LRRC4C: variants seen among roughly 807,000 people sequenced by gnomAD.
The protein encoded by LRRC4C is leucine-rich repeat-containing protein 4C.
Under a neutral mutation model 33.6 loss-of-function variants are expected in LRRC4C, and 5 were observed. That is an observed-to-expected ratio of 0.15 (90% CI 0.08 to 0.31). The LOEUF is 0.31. Among genes scored for constraint, LRRC4C ranks in the 10% least tolerant of loss-of-function variants. The pLI is 1.00. For synonymous variants in LRRC4C, 329 were observed against 302.0 expected, an observed-to-expected ratio of 1.09 and a Z score of -0.93; for missense variants, 560 against 796.7, an observed-to-expected ratio of 0.70 and a Z score of 3.58.
chr11:40,362,803 G>C (rs549838755), intron 3 of LRRC4C, among the ~76,000 whole-genome samples: 1 of 152,252 alleles, frequency 6.6e-6, no homozygotes. Context: ...AAGCCAACAA[G>C]TACATGAAAA....
At chr11:40,381,518 A>G (rs774849528) in intron 3 of LRRC4C, among the ~76,000 whole-genome samples, 65 of 152,230 alleles carry the variant, frequency 4.3e-4, no homozygotes, top group Non-Finnish European at 7.6e-4. Flanking sequence ...AATTGGCTGG[A>G]CAATTTTATG....
chr11:41,074,166 T>C (rs1938930412), intron 1 of LRRC4C, among the ~76,000 whole-genome samples: 1 of 152,180 alleles, frequency 6.6e-6, no homozygotes, highest in African/African-American at 2.4e-5. Context: ...ACTTAAATTT[T>C]AAAGAGAAAC....
At position 40,986,760 on chromosome 11, in the gene LRRC4C, C is replaced by T. The variant is rs531883674; in HGVS notation, c.-495-53037G>A. ...GTGATGAGAATTAGAGTATTTTCCACTAACCTTGAGAGCAGGGCTACACTG... is the reference window on the plus strand; with the variant it reads ...GTGATGAGAATTAGAGTATTTTCCATTAACCTTGAGAGCAGGGCTACACTG... On this transcript the variant is annotated intron_variant, in intron 1 of 6. Coordinates refer to ENST00000528697, the MANE Select transcript of LRRC4C (RefSeq NM_001258419.2). Among the ~76,000 whole-genome samples, 18 of 152,284 alleles carry T rather than the reference C, an allele frequency of 1.2e-4. No homozygotes were observed. The South Asian group carries it at 3.5e-3, about 30-fold the overall frequency.
intron 3 of LRRC4C, among the ~76,000 whole-genome samples, chr11:40,633,890 A>T (rs922007641): frequency 2.0e-5 from 3 of 152,224 alleles, no homozygotes; most frequent in African/African-American, 7.2e-5. Context: ...AAGTTATAAA[A>T]ATGAAATACA....
At chr11:40,212,887 G>A (rs1863708126) in intron 5 of LRRC4C, among the ~76,000 whole-genome samples, 1 of 152,130 alleles carries the variant, frequency 6.6e-6, no homozygotes, top group African/African-American at 2.4e-5. Flanking sequence ...GTAACTTGGG[G>A]AGCAATCACC....
intron 1 of LRRC4C, among the ~76,000 whole-genome samples, chr11:41,045,707 G>A (rs1409723420): frequency 6.6e-6 from 1 of 152,114 alleles, no homozygotes; most frequent in Non-Finnish European, 1.5e-5. Flanking sequence ...GTAACACAGA[G>A]AAAGCCCAGC....
intron 3 of LRRC4C, among the ~76,000 whole-genome samples, chr11:40,326,610 G>C (rs780710829): frequency 6.6e-6 from 1 of 150,970 alleles, no homozygotes; most frequent in Admixed American, 6.6e-5. Flanking sequence ...GGCCAAAGAA[G>C]CTTAGATCAG....
At chr11:41,384,880 C>T (rs888953949) in intron 1 of LRRC4C, among the ~76,000 whole-genome samples, 1 of 148,390 alleles carries the variant, frequency 6.7e-6, no homozygotes, top group African/African-American at 2.5e-5. Context: ...CTGAACTATA[C>T]AAACTTTTTG....
At chr11:41,076,033 C>T (rs1356035576) in intron 1 of LRRC4C, among the ~76,000 whole-genome samples, 1 of 152,160 alleles carries the variant, frequency 6.6e-6, no homozygotes, top group Non-Finnish European at 1.5e-5. Flanking sequence ...AAAGTGCCTT[C>T]TGTATTAGCT....
chr11:41,038,058 G>A (rs748756623), intron 1 of LRRC4C, among the ~76,000 whole-genome samples: 3 of 152,132 alleles, frequency 2.0e-5, no homozygotes, highest in African/African-American at 7.2e-5. Flanking sequence ...CTGTGTCTAC[G>A]AGACAATCTA....
At chr11:40,704,136 A>G (rs1391117261) in intron 2 of LRRC4C, among the ~76,000 whole-genome samples, 4 of 152,178 alleles carry the variant, frequency 2.6e-5, no homozygotes, top group Non-Finnish European at 5.9e-5. Context: ...GAGCATTTAC[A>G]TTGTATTAGG....
At chr11:40,725,979 C>A (rs1947275395) in intron 2 of LRRC4C, among the ~76,000 whole-genome samples, 1 of 152,006 alleles carries the variant, frequency 6.6e-6, no homozygotes, top group Admixed American at 6.5e-5. Context: ...ACAACAAATC[C>A]CACAATAGAT....
At chr11:40,453,617 G>GAAAAAAAAAAAAAAA (rs149112559) in intron 3 of LRRC4C, among the ~76,000 whole-genome samples, 1 of 143,712 alleles carries the variant, frequency 7.0e-6, no homozygotes, top group Non-Finnish European at 1.5e-5. Context: ...GGCATTCTAA[G>GAAAAAAAAAAAAAAA]AAAAAAAAAA....
rs1400063107 is a variant in LRRC4C, at chr11:40,423,375, C to G, written c.-269-103654G>C. 4.9e-5 allele frequency among the ~76,000 whole-genome samples: 6 copies of G among 123,074 alleles called. No individual in the cohort carries two copies. In the East Asian group the frequency reaches 9.8e-4, roughly 20 times the overall value. 80.7% of individuals were successfully genotyped at this position (123,074 alleles called of 152,430 possible). ...TTTTTTTTTTTTTGAGACGGAGTCTCGCTCTGTCGCCCAGGCTGGAGTGCA... is the reference window on the plus strand; with the variant it reads ...TTTTTTTTTTTTTGAGACGGAGTCTGGCTCTGTCGCCCAGGCTGGAGTGCA... On this transcript the variant is annotated intron_variant, in intron 3 of 6. Coordinates refer to ENST00000528697, the MANE Select transcript of LRRC4C (RefSeq NM_001258419.2).
intron 3 of LRRC4C, among the ~76,000 whole-genome samples, chr11:40,619,454 A>G (rs80225841): frequency 6.6e-6 from 1 of 151,760 alleles, no homozygotes; most frequent in African/African-American, 2.4e-5. Flanking sequence ...ACTAAAAAGA[A>G]ATAAAGAAGA....
At chr11:40,162,343 A>C (rs1297923781) in intron 5 of LRRC4C, among the ~76,000 whole-genome samples, 1 of 152,146 alleles carries the variant, frequency 6.6e-6, no homozygotes, top group Non-Finnish European at 1.5e-5. Flanking sequence ...AATGGATTTT[A>C]ATAATTTTGA....
intron 3 of LRRC4C, among the ~76,000 whole-genome samples, chr11:40,638,434 C>G (rs556909166): frequency 2.0e-5 from 3 of 152,244 alleles, no homozygotes; most frequent in African/African-American, 7.2e-5. Context: ...GGCTCTTAAC[C>G]TTGTGCATAA....
At chr11:40,324,842 C>T (rs1291488646) in intron 3 of LRRC4C, among the ~76,000 whole-genome samples, 1 of 152,156 alleles carries the variant, frequency 6.6e-6, no homozygotes, top group Non-Finnish European at 1.5e-5. Context: ...ATTGGGGATT[C>T]AAATCCCAGC....
intron 1 of LRRC4C, among the ~76,000 whole-genome samples, chr11:41,448,120 C>CTTTTTTTTTTTTTTTTTTTTTTT (rs1211366298): frequency 4.2e-5 from 1 of 23,858 alleles, no homozygotes; most frequent in African/African-American, 2.2e-4. Context: ...CTGCACACGT[C>CTTTTTTTTTTTTTTTTTTTTTTT]TGTTTTTTTT....
Sources: gnomAD v4.1 joint callset for allele counts (sites outside exome capture counted in the v4.1 genomes callset) on GRCh38, gnomAD v4.1.1 for gene constraint, MANE v1.5 for transcripts, NCBI Gene and HGNC (gene_info 2026-07-23, HGNC 2026-07-21) for gene names.